PDE10A: variants seen among roughly 807,000 people sequenced by gnomAD.
PDE10A encodes phosphodiesterase 10A.
A neutral mutation model predicts 97.7 loss-of-function variants in PDE10A; 39 were observed. The observed-to-expected ratio is 0.40, with a 90% CI of 0.31 to 0.52. The LOEUF (loss-of-function observed/expected upper bound fraction) is 0.52. Among genes scored for constraint, PDE10A ranks in the 20% least tolerant of loss-of-function variants. The pLI is 0.56. For missense variants in PDE10A, 731 were observed against 1,047.8 expected, an observed-to-expected ratio of 0.70 and a Z score of 4.17; for synonymous variants, 371 against 376.8, an observed-to-expected ratio of 0.98 and a Z score of 0.18.
intron 1 of PDE10A, among the ~76,000 whole-genome samples, chr6:165,928,641 C>T (rs1229706611): frequency 6.6e-6 from 1 of 152,218 alleles, no homozygotes; most frequent in Non-Finnish European, 1.5e-5. Context: ...AAAGGCAAAG[C>T]TGTCTTCATA....
At chr6:165,428,385 G>A (rs1179997240) in intron 10 of PDE10A, among the ~76,000 whole-genome samples, 1 of 152,056 alleles carries the variant, frequency 6.6e-6, no homozygotes, top group Non-Finnish European at 1.5e-5. Flanking sequence ...TATGTAAGAG[G>A]TGTTTTGAAG....
chr6:165,422,756 G>A (rs780104752), intron 10 of PDE10A, among the ~76,000 whole-genome samples: 4 of 151,964 alleles, frequency 2.6e-5, no homozygotes, highest in Non-Finnish European at 5.9e-5. Context: ...GGGAAGACTC[G>A]GGGTTCAAGA....
chr6:165,804,681 G>A (rs1779069131), intron 1 of PDE10A, among the ~76,000 whole-genome samples: 1 of 152,048 alleles, frequency 6.6e-6, no homozygotes, highest in African/African-American at 2.4e-5. Flanking sequence ...AGAGCGCGTG[G>A]TCGCGAAGGG....
chr6:165,856,376 G>A (rs912690635), intron 1 of PDE10A, among the ~76,000 whole-genome samples: 10 of 152,182 alleles, frequency 6.6e-5, no homozygotes, highest in Admixed American at 5.2e-4. Flanking sequence ...TCCCTGGCAC[G>A]GAGCTGCATC....
chr6:165,372,315 A>T (rs1349179210), intron 18 of PDE10A, among the ~76,000 whole-genome samples: 4 of 150,568 alleles, frequency 2.7e-5, no homozygotes, highest in Admixed American at 6.6e-5. Context: ...ACATGATTGT[A>T]TATCTAGAAA....
At position 165,432,290 on chromosome 6, in the gene PDE10A, G is replaced by A. The variant is rs765780882; in HGVS notation, c.1491+684C>T. On this transcript the variant is annotated intron_variant, in intron 7 of 21. Transcript: ENST00000539869. ...AATGTACATGAAGTGTTCAGGGAGG[G>A]CCTTATAGAGAAGGCAACATTTAAG... Among the ~76,000 whole-genome samples, 50 of 152,184 alleles carry A rather than the reference G, an allele frequency of 3.3e-4. 1 individual carries two copies. Among genetic ancestry groups the A allele is most frequent in the Admixed American group, 6.5e-4 (10 of 15,280 alleles).
chr6:165,730,654 G>A (rs1792407579), intron 1 of PDE10A, among the ~76,000 whole-genome samples: 1 of 151,796 alleles, frequency 6.6e-6, no homozygotes, highest in African/African-American at 2.4e-5. Context: ...TCAGAAGGCT[G>A]AGGCAGGGGA....
At chr6:165,958,686 G>GAA in intron 1 of PDE10A, among the ~76,000 whole-genome samples, 1 of 67,368 alleles carries the variant, frequency 1.5e-5, no homozygotes, top group Non-Finnish European at 3.5e-5. Context: ...AGGAAGGAAA[G>GAA]AAAGAAAGAG....
intron 1 of PDE10A, among the ~76,000 whole-genome samples, chr6:165,727,981 G>A (rs1792340930): frequency 6.6e-6 from 1 of 152,152 alleles, no homozygotes; most frequent in Admixed American, 6.5e-5. Flanking sequence ...GTTTGTTTTT[G>A]TGTTAAGAAA....
chr6:165,447,442 G>A (rs1050596401), intron 5 of PDE10A, among the ~76,000 whole-genome samples: 1 of 152,370 alleles, frequency 6.6e-6, no homozygotes, highest in East Asian at 1.9e-4. Context: ...AGGATAAGGG[G>A]TTGGAGGTGA....
chr6:165,388,412 G>A lies in PDE10A; in HGVS notation c.2496C>T (p.Asp832=), dbSNP rs771086374. Residue 832 remains aspartate, a synonymous_variant, in exon 17 of 22, where the codon GAC becomes GAT. Coordinates refer to ENST00000539869, the MANE Select transcript of PDE10A (RefSeq NM_001385079.1). The surrounding 1 kb of genome is among the most constrained non-coding windows in gnomAD (Gnocchi z 4.0). ...GGTAGCTGTTACTGAAGCCCCTGTG[G>A]TCCAGGTCATGACACAGACACGCAA... ...LLIACLCHDL[D]HRGFSNSYLQ... 3.1e-6 allele frequency: 5 copies of A among 1,614,060 alleles called. No individual in the cohort carries two copies. The South Asian group carries it at 5.5e-5, about 18-fold the overall frequency.
chr6:165,852,355 C>T lies in PDE10A; in HGVS notation c.-615+135174G>A, dbSNP rs190541719. 8.7e-4 allele frequency among the ~76,000 whole-genome samples: 132 copies of T among 152,324 alleles called. 1 individual carries two copies. The highest frequency in any genetic ancestry group is 3.7e-3 in the Admixed American group (56 of 15,296). ...TTTCAAAATACACCCAATCATATGT[C>T]CTCAATGCTGGTGAGTAAGGAAATC... On this transcript the variant is annotated intron_variant, in intron 1 of 19. Coordinates refer to the PDE10A transcript ENST00000366882.
At chr6:165,636,170 C>G (rs1204823576) in intron 1 of PDE10A, among the ~76,000 whole-genome samples, 3 of 152,132 alleles carry the variant, frequency 2.0e-5, no homozygotes, top group Admixed American at 6.5e-5. Context: ...TCAAAGGAAT[C>G]CCCTACTTCC....
chr6:165,759,083 C>T (rs567485473), intron 1 of PDE10A, among the ~76,000 whole-genome samples: 4 of 152,178 alleles, frequency 2.6e-5, no homozygotes, highest in Non-Finnish European at 2.9e-5. Context: ...CAGTCCTGCT[C>T]CGTGCCCATA....
At chr6:165,933,042 T>C (rs1484170260) in intron 1 of PDE10A, among the ~76,000 whole-genome samples, 1 of 152,110 alleles carries the variant, frequency 6.6e-6, no homozygotes, top group Non-Finnish European at 1.5e-5. Flanking sequence ...CTACCAGAGA[T>C]GACAAACCCC....
intron 1 of PDE10A, among the ~76,000 whole-genome samples, chr6:165,592,004 A>G (rs1012420698): frequency 3.3e-5 from 5 of 152,178 alleles, no homozygotes; most frequent in African/African-American, 7.2e-5. Context: ...GATAAACTTA[A>G]AAGTTTAAAA....
chr6:165,339,790 G>C (rs545047606), intron 19 of PDE10A, among the ~76,000 whole-genome samples: 1 of 152,126 alleles, frequency 6.6e-6, no homozygotes, highest in African/African-American at 2.4e-5. Flanking sequence ...ATCACCAGTC[G>C]ACTAAAATGT....
At chr6:165,347,306 T>G (rs1782377923) in intron 18 of PDE10A, among the ~76,000 whole-genome samples, 1 of 152,160 alleles carries the variant, frequency 6.6e-6, no homozygotes, top group Non-Finnish European at 1.5e-5. Context: ...ATAGAAAATA[T>G]TTTAAAATCT....
chr6:165,604,818 A>T (rs2128397626), intron 1 of PDE10A, among the ~76,000 whole-genome samples: 1 of 152,382 alleles, frequency 6.6e-6, no homozygotes, highest in Non-Finnish European at 1.5e-5. Flanking sequence ...GTGTAGAAGA[A>T]AAAAGCTAAC....
Sources: gnomAD v4.1 joint callset for allele counts (sites outside exome capture counted in the v4.1 genomes callset) on GRCh38, gnomAD v4.1.1 for gene constraint, Gnocchi (gnomAD v3.1) non-coding constraint, MANE v1.5 for transcripts, NCBI Gene and HGNC (gene_info 2026-07-23, HGNC 2026-07-21) for gene names.